The following EHMT1 variants were observed in gnomAD, a reference collection of about 807,000 sequenced individuals.
EHMT1 encodes euchromatic histone lysine methyltransferase 1.
A neutral mutation model predicts 147.2 loss-of-function variants in EHMT1; 15 were observed. The observed-to-expected ratio is 0.10, with a 90% confidence interval of 0.07 to 0.16. The LOEUF (loss-of-function observed/expected upper bound fraction) is 0.16, where lower values mean the gene tolerates loss of function less well. EHMT1 is among the 10% of genes least tolerant of loss of function. The pLI is 1.00. For synonymous variants in EHMT1, 795 were observed against 709.6 expected, an observed-to-expected ratio of 1.12 and a Z score of -1.91; for missense variants, 1,587 against 1,772.4, an observed-to-expected ratio of 0.90 and a Z score of 1.88.
intron 18 of EHMT1, 34 bp downstream of exon 18, chr9:137,801,018 C>G (rs745356887): frequency 1.3e-6 from 2 of 1,594,472 alleles, no homozygotes; most frequent in Non-Finnish European, 1.7e-6. Context: ...GGAGCCGTGT[C>G]CTGGAGGGGT....
rs1268544995 is a variant in EHMT1, at chr9:137,786,034, A to C, written c.2382+3637A>C. The C allele has an allele frequency of 1.3e-5, 2 of 152,544 alleles. No homozygotes were observed. The highest frequency in any genetic ancestry group is 4.8e-5 in the African/African-American group (2 of 41,476). 9.4% of individuals were successfully genotyped at this position (152,544 alleles called of 1,614,324 possible). On this transcript the variant is annotated intron_variant, in intron 15 of 26. Coordinates refer to ENST00000460843, the MANE Select transcript of EHMT1 (RefSeq NM_024757.5). This position sits in a 1 kb window ranked among gnomAD's most constrained non-coding sequence, Gnocchi z 4.3. ...TGGGGCTGAGTGGCCTGGCCCTGCC[A>C]GGGCTCCCTGCTGACTGCCTGTGCT...
At chr9:137,715,667 T>C (rs1945146236) in intron 2 of EHMT1, 2 of 985,292 alleles carry the variant, frequency 2.0e-6, no homozygotes, top group African/African-American at 3.5e-5. Flanking sequence ...TGTAAAATAG[T>C]GTCTCCTTGA....
intron 16 of EHMT1, among the ~76,000 whole-genome samples, chr9:137,792,677 C>G (rs1172174536): frequency 6.6e-6 from 1 of 152,178 alleles, no homozygotes; most frequent in East Asian, 1.9e-4. Flanking sequence ...TGCGCTCCAA[C>G]CTGGGTGACA....
At chr9:137,623,665 C>T (rs1843078181) in intron 1 of EHMT1, among the ~76,000 whole-genome samples, 1 of 152,134 alleles carries the variant, frequency 6.6e-6, no homozygotes, top group African/African-American at 2.4e-5. Flanking sequence ...AGGTGACCTG[C>T]CCACTTCGGC....
intron 1 of EHMT1, among the ~76,000 whole-genome samples, chr9:137,649,352 G>A (rs1187798608): frequency 1.3e-5 from 2 of 152,044 alleles, no homozygotes; most frequent in Non-Finnish European, 2.9e-5. Context: ...CCCAGATACT[G>A]CGGAGGCCGA....
At chr9:137,646,406 G>A (rs1208057897) in intron 1 of EHMT1, 2 of 985,460 alleles carry the variant, frequency 2.0e-6, no homozygotes, top group South Asian at 4.7e-5. Context: ...GGGAGAGGAC[G>A]AGGGACTCAT....
At chr9:137,773,778 G>A (rs1019072378) in intron 10 of EHMT1, among the ~76,000 whole-genome samples, 5 of 151,924 alleles carry the variant, frequency 3.3e-5, no homozygotes, top group Admixed American at 2.6e-4. Flanking sequence ...AATGTCAGAG[G>A]CTTATGTTGA....
At chr9:137,634,739 A>G (rs1335600380) in intron 1 of EHMT1, among the ~76,000 whole-genome samples, 8 of 125,958 alleles carry the variant, frequency 6.4e-5, no homozygotes, top group Admixed American at 3.9e-4. Context: ...GTCTCTCTCT[A>G]TCGCCCAGGC....
At chr9:137,620,079 G>A (rs1343142527) in intron 1 of EHMT1, 2 of 152,158 alleles carry the variant, frequency 1.3e-5, no homozygotes, top group African/African-American at 4.8e-5. Flanking sequence ...GTAATGTATG[G>A]CCTTTTTGTT....
chr9:137,671,520 CTTTTTTT>C (rs71493689), intron 1 of EHMT1, among the ~76,000 whole-genome samples: 33 of 105,332 alleles, frequency 3.1e-4, no homozygotes, highest in Admixed American at 7.7e-4. Flanking sequence ...CCTTTTCTTT[CTTTTTTT>C]TTTTTTTTTT....
chr9:137,632,292 C>T lies in EHMT1; in HGVS notation c.21+13243C>T, dbSNP rs182677795. 5.3e-5 allele frequency among the ~76,000 whole-genome samples: 8 copies of T among 152,248 alleles called. No homozygotes were observed. In the East Asian group the frequency reaches 9.6e-4, roughly 18 times the overall value. On this transcript the variant is annotated intron_variant, in intron 1 of 26. Coordinates refer to ENST00000460843, the MANE Select transcript of EHMT1 (RefSeq NM_024757.5). ...TAGGATGGTGCAGTAGAATGGTGTT[C>T]GTTCCAGGGTTGGGGGAGGGTTGGG...
At chr9:137,764,354 T>C (rs1266429471) in intron 10 of EHMT1, 2 of 152,300 alleles carry the variant, frequency 1.3e-5, no homozygotes, top group Admixed American at 6.5e-5. Flanking sequence ...CTCTGAGTGT[T>C]CATGTCACTC....
Position 137,782,185 on chromosome 9 carries a change from A to C in EHMT1, c.2276-106A>C. ...CCGGCGTGGCTCGAGGTGGCTGTTT[A>C]TGTGGAGGATGGTCATTTGTGAGTG... On this transcript the variant is annotated intron_variant, in intron 14 of 26. Coordinates refer to ENST00000460843, the MANE Select transcript of EHMT1 (RefSeq NM_024757.5). The surrounding 1 kb of genome is among the most constrained non-coding windows in gnomAD (Gnocchi z 5.7). The C allele has an allele frequency of 1.8e-6, 2 of 1,092,848 alleles. No homozygotes were observed. The highest frequency in any genetic ancestry group is 5.2e-5 in the East Asian group (2 of 38,512). The allele number at this position is 1,092,848 out of a possible 1,614,324, so 67.7% of individuals were successfully genotyped here.
At position 137,645,538 on chromosome 9, in the gene EHMT1, T is replaced by G. The variant is rs2353769; in HGVS notation, c.21+26489T>G. On this transcript the variant is annotated intron_variant, in intron 1 of 26. Transcript: ENST00000460843. ...GAGAAAGACAAACAATTACACACTT[T>G]GGTAATTGCTATTAAAAGAGATAAA... Among the ~76,000 whole-genome samples the G allele has an allele frequency of 8.3e-3, 1,267 of 152,302 alleles. 15 individuals are homozygous for G. The highest frequency in any genetic ancestry group is 0.029 in the African/African-American group (1,195 of 41,564).
intron 1 of EHMT1, among the ~76,000 whole-genome samples, chr9:137,701,748 C>G (rs1317824392): frequency 6.6e-6 from 1 of 150,752 alleles, no homozygotes; most frequent in Non-Finnish European, 1.5e-5. Context: ...CTGCCTCAGC[C>G]TCCTGAATAG....
chr9:137,664,405 GCCCTCCA>G (rs1451684102), intron 1 of EHMT1, among the ~76,000 whole-genome samples: 2 of 151,406 alleles, frequency 1.3e-5, no homozygotes, highest in Non-Finnish European at 2.9e-5. Context: ...GATTACAGGT[GCCCTCCA>G]CCACACTCGG....
At chr9:137,659,183 T>A (rs561845961) in intron 1 of EHMT1, among the ~76,000 whole-genome samples, 7 of 152,182 alleles carry the variant, frequency 4.6e-5, no homozygotes, top group Non-Finnish European at 8.8e-5. Flanking sequence ...TGTATTTTTC[T>A]TATTTTTGGT....
intron 18 of EHMT1, among the ~76,000 whole-genome samples, chr9:137,811,162 T>C (rs542620644): frequency 2.0e-5 from 3 of 152,326 alleles, no homozygotes; most frequent in East Asian, 3.9e-4. Context: ...TAGGTTGATA[T>C]AATTCTGGAT....
chr9:137,724,222 GTGC>G (rs1946366991), intron 3 of EHMT1, among the ~76,000 whole-genome samples: 1 of 152,220 alleles, frequency 6.6e-6, no homozygotes, highest in Admixed American at 6.5e-5. Flanking sequence ...GTGTGAAGAA[GTGC>G]TGCTAAGTGT....
Sources: allele counts gnomAD v4.1 joint callset (sites outside exome capture counted in the v4.1 genomes callset), GRCh38; gene constraint gnomAD v4.1.1; non-coding constraint Gnocchi (gnomAD v3.1); transcripts MANE v1.5; gene names NCBI Gene and HGNC (gene_info 2026-07-23, HGNC 2026-07-21).